The following PDE4B variants were observed in gnomAD, a reference collection of about 807,000 sequenced individuals.
PDE4B encodes the protein phosphodiesterase 4B, also known as 3',5'-cyclic-AMP phosphodiesterase 4B.
PDE4B carries 20 observed loss-of-function variants against 82.2 expected under a neutral mutation model. The observed-to-expected ratio is 0.24, with a 90% confidence interval of 0.17 to 0.35. The LOEUF is 0.35. Ranked by LOEUF, PDE4B falls within the 10% of genes least tolerant of loss-of-function variation. The pLI is 1.00. For missense variants in PDE4B, 655 were observed against 907.2 expected, an observed-to-expected ratio of 0.72 and a Z score of 3.57; for synonymous variants, 320 against 318.9, an observed-to-expected ratio of 1.00 and a Z score of -0.04.
chr1:66,079,670 C>A (rs139561051), intron 3 of PDE4B, among the ~76,000 whole-genome samples: 114 of 152,102 alleles, frequency 7.5e-4, no homozygotes, highest in African/African-American at 2.4e-3. Context: ...AAAGGGAGAG[C>A]TAATGGCTCT....
chr1:66,068,176 G>A (rs1392820), intron 3 of PDE4B, among the ~76,000 whole-genome samples: 79,371 of 151,358 alleles, frequency 0.52, 20,923 homozygotes, highest in East Asian at 0.59. Flanking sequence ...TCTCGCTTCC[G>A]TGAAAAGCCA....
chr1:66,099,421 G>A (rs1645178346), intron 3 of PDE4B, among the ~76,000 whole-genome samples: 1 of 152,090 alleles, frequency 6.6e-6, no homozygotes, highest in Admixed American at 6.6e-5. Flanking sequence ...TAGTGCTTCA[G>A]TGAACATATA....
intron 1 of PDE4B, among the ~76,000 whole-genome samples, chr1:65,852,290 T>A (rs1646341006): frequency 6.6e-6 from 1 of 151,980 alleles, no homozygotes; most frequent in Non-Finnish European, 1.5e-5. Context: ...ATTGGCATTA[T>A]TTTTTACTTA....
At chr1:66,266,628 G>GTTTTGTT (rs767658246) in intron 7 of PDE4B, 13 of 478,204 alleles carry the variant, frequency 2.7e-5, no homozygotes, top group South Asian at 2.1e-4. Flanking sequence ...GTTTTGTTTT[G>GTTTTGTT]TTTTGTTTTT....
At chr1:65,992,907 A>C in intron 3 of PDE4B, 1 of 1,613,416 alleles carries the variant, frequency 6.2e-7, no homozygotes, top group Non-Finnish European at 8.5e-7. Context: ...CTTACAAGAC[A>C]TGACAGCAAA....
intron 3 of PDE4B, among the ~76,000 whole-genome samples, chr1:65,939,858 A>G (rs914044684): frequency 1.3e-5 from 2 of 152,128 alleles, no homozygotes; most frequent in African/African-American, 4.8e-5. Context: ...CAGTGTGATG[A>G]AAGAGAGACT....
At chr1:65,947,886 G>T (rs1204115207) in intron 3 of PDE4B, among the ~76,000 whole-genome samples, 1 of 150,714 alleles carries the variant, frequency 6.6e-6, no homozygotes, top group Non-Finnish European at 1.5e-5. Flanking sequence ...CTTAGTTTGT[G>T]TACTTTGTTA....
intron 1 of PDE4B, among the ~76,000 whole-genome samples, chr1:65,902,801 G>A (rs975008553): frequency 6.6e-6 from 1 of 152,154 alleles, no homozygotes; most frequent in African/African-American, 2.4e-5. Flanking sequence ...GGTGGGTGCA[G>A]AAGTATATTT....
chr1:65,850,932 T>G (rs936844829), intron 1 of PDE4B, among the ~76,000 whole-genome samples: 4 of 152,210 alleles, frequency 2.6e-5, no homozygotes, highest in Non-Finnish European at 5.9e-5. Flanking sequence ...TGTATTAGCT[T>G]TCACATTTAG....
intron 7 of PDE4B, among the ~76,000 whole-genome samples, chr1:66,319,660 A>G (rs955182820): frequency 6.6e-6 from 1 of 152,226 alleles, no homozygotes; most frequent in African/African-American, 2.4e-5. Flanking sequence ...TGAAGCCTGT[A>G]GTGACCAGAA....
At chr1:66,202,819 T>A (rs1649126049) in intron 3 of PDE4B, among the ~76,000 whole-genome samples, 2 of 152,154 alleles carry the variant, frequency 1.3e-5, no homozygotes. Context: ...AGTCTGTGTC[T>A]TTTAACTGGA....
chr1:66,039,987 A>G (rs533769229), intron 3 of PDE4B, among the ~76,000 whole-genome samples: 7 of 152,164 alleles, frequency 4.6e-5, no homozygotes, highest in Non-Finnish European at 5.9e-5. Flanking sequence ...GGAATGGATA[A>G]TTGAGAGGAA....
At chr1:65,902,965 T>C (rs1646988362) in intron 1 of PDE4B, among the ~76,000 whole-genome samples, 1 of 152,160 alleles carries the variant, frequency 6.6e-6, no homozygotes, top group South Asian at 2.1e-4. Flanking sequence ...ACCAACTAGG[T>C]GAATGACAGG....
chr1:66,122,341 T>G (rs1204494586), intron 3 of PDE4B, among the ~76,000 whole-genome samples: 1 of 152,230 alleles, frequency 6.6e-6, no homozygotes, highest in African/African-American at 2.4e-5. Context: ...TTTTTCACAT[T>G]TATCCTCACT....
intron 3 of PDE4B, among the ~76,000 whole-genome samples, chr1:66,124,292 C>A (rs1396857619): frequency 6.6e-6 from 1 of 152,088 alleles, no homozygotes; most frequent in African/African-American, 2.4e-5. Context: ...TTCTGAAGAG[C>A]TAGCAGATTG....
chr1:65,976,861 T>A (rs573261069), intron 3 of PDE4B, among the ~76,000 whole-genome samples: 2 of 152,290 alleles, frequency 1.3e-5, no homozygotes, highest in Non-Finnish European at 2.9e-5. Context: ...GTCAATTAAA[T>A]CTCTTTTCTT....
At chr1:66,320,708 C>T (rs149821738) in intron 7 of PDE4B, among the ~76,000 whole-genome samples, 9 of 152,228 alleles carry the variant, frequency 5.9e-5, no homozygotes, top group South Asian at 2.1e-4. Flanking sequence ...AGATTCTCTA[C>T]CCTCAAGAAG....
chr1:66,285,722 C>T (rs1298003351), intron 7 of PDE4B, among the ~76,000 whole-genome samples: 1 of 151,836 alleles, frequency 6.6e-6, no homozygotes. Context: ...TATATCTTAG[C>T]TGATCCTGAC....
intron 1 of PDE4B, among the ~76,000 whole-genome samples, chr1:65,861,234 A>G (rs2801581): frequency 0.67 from 101,154 of 152,062 alleles, 33,958 homozygotes; most frequent in Non-Finnish European, 0.71. Context: ...ATGAGGTATA[A>G]GGAAGGAGTG....
Sources: allele counts gnomAD v4.1 joint callset (sites outside exome capture counted in the v4.1 genomes callset), GRCh38; gene constraint gnomAD v4.1.1; transcripts MANE v1.5; gene names NCBI Gene and HGNC (gene_info 2026-07-23, HGNC 2026-07-21).